The following EHD4 variants were observed in gnomAD, a reference collection of about 807,000 sequenced individuals.
The protein encoded by EHD4 is EH domain-containing protein 4.
EHD4 carries 37 observed loss-of-function variants against 51.0 expected under a neutral mutation model. The ratio of observed to expected loss-of-function variants is 0.73; its 90% CI spans 0.56 to 0.95. EHD4 has a LOEUF of 0.95. Ranked by LOEUF, EHD4 falls within the 40% of genes least tolerant of loss-of-function variation. The probability of loss-of-function intolerance (pLI) is 0.00; values close to 1 mark genes in which losing one functional copy is unlikely to be tolerated. For missense variants in EHD4, 632 were observed against 733.1 expected (o/e 0.86, Z 1.59); for synonymous variants, 297 against 317.3 (o/e 0.94, Z 0.68).
At chr15:41,954,534 G>A (rs551980544) in intron 1 of EHD4, among the ~76,000 whole-genome samples, 1 of 152,300 alleles carries the variant, frequency 6.6e-6, no homozygotes, top group African/African-American at 2.4e-5. Flanking sequence ...GAGAGAAAGT[G>A]CTGAATTCTA....
intron 2 of EHD4, among the ~76,000 whole-genome samples, chr15:41,949,045 T>C (rs867413657): frequency 5.8e-5 from 6 of 102,618 alleles, no homozygotes; most frequent in African/African-American, 2.1e-4. Context: ...TATATATATA[T>C]ATATATACAC....
intron 3 of EHD4, among the ~76,000 whole-genome samples, chr15:41,924,670 A>C (rs760881488): frequency 5.9e-5 from 9 of 152,344 alleles, no homozygotes; most frequent in Non-Finnish European, 1.2e-4. Context: ...TGGAACAGAC[A>C]AACAGGGAGC....
rs575115017 is a variant in EHD4, at chr15:41,900,306, C to T, written c.*339G>A. The stretch of plus-strand genomic sequence containing the variant: ...TGGAGACCCAGCTGCTCTGGGTGAG[C>T]CTTAGCTCACTTCCTGTGGTTCCTG... On this transcript the variant is annotated 3_prime_UTR_variant, in exon 6 of 6. Transcript: ENST00000220325. The surrounding 1 kb of genome is among the most constrained non-coding windows in gnomAD (Gnocchi z 4.8). 6.6e-6 allele frequency: 2 copies of T among 305,086 alleles called. No homozygotes were observed. Among genetic ancestry groups the T allele is most frequent in the African/African-American group, 4.3e-5 (2 of 46,590 alleles). The allele number at this position is 305,086 out of a possible 1,614,324, so 18.9% of individuals were successfully genotyped here. A position where few individuals can be genotyped will look rare whatever the true frequency, so the allele number is the denominator to read the frequency against.
chr15:41,930,722 C>T (rs538159736), intron 3 of EHD4, among the ~76,000 whole-genome samples: 1 of 152,148 alleles, frequency 6.6e-6, no homozygotes, highest in African/African-American at 2.4e-5. Context: ...CTAACCAGCT[C>T]CTCAAGCCAA....
intron 2 of EHD4, among the ~76,000 whole-genome samples, chr15:41,943,717 T>C (rs1173792638): frequency 6.6e-6 from 1 of 152,248 alleles, no homozygotes; most frequent in Non-Finnish European, 1.5e-5. Context: ...CAGGATGCAC[T>C]GGCCCACTGG....
chr15:41,963,663 C>G (rs1035997748), intron 1 of EHD4, among the ~76,000 whole-genome samples: 1 of 149,196 alleles, frequency 6.7e-6, no homozygotes, highest in Non-Finnish European at 1.5e-5. Context: ...CAAGGATTTT[C>G]TAACCAAAAA....
At chr15:41,931,680 CT>C (rs1175401028) in intron 3 of EHD4, among the ~76,000 whole-genome samples, 372 of 142,882 alleles carry the variant, frequency 2.6e-3, no homozygotes, top group Middle Eastern at 3.7e-3. Context: ...TCAGCAATTT[CT>C]TTTTTTTTTT....
intron 3 of EHD4, among the ~76,000 whole-genome samples, chr15:41,931,659 T>G (rs1016440332): frequency 6.6e-6 from 1 of 152,158 alleles, no homozygotes; most frequent in Admixed American, 6.5e-5. Context: ...GTAAGAACAC[T>G]TAAAATCTAC....
intron 2 of EHD4, among the ~76,000 whole-genome samples, chr15:41,949,738 A>T (rs1044106251): frequency 1.3e-5 from 2 of 152,180 alleles, no homozygotes; most frequent in African/African-American, 4.8e-5. Context: ...ATAATACTAG[A>T]TCCTAGACAA....
At position 41,900,894 on chromosome 15, in the gene EHD4, C is replaced by T. The variant is rs757361549; in HGVS notation, c.1377G>A (p.Ser459=). 1.8e-5 allele frequency: 29 copies of T among 1,614,032 alleles called. No homozygotes were observed. The highest frequency in any genetic ancestry group is 3.3e-5 in the South Asian group (3 of 91,086). The change falls in exon 6 of 6, where the codon TCG becomes TCA. Residue 459 remains serine, a synonymous_variant. Coordinates refer to ENST00000220325, the MANE Select transcript of EHD4 (RefSeq NM_139265.4). The surrounding 1 kb of genome is among the most constrained non-coding windows in gnomAD (Gnocchi z 4.8). ...PVYDELFYTL[S]PINGKISGVN... ...CACCTGATATCTTGCCATTGATGGG[C>T]GACAGAGTGTAGAAGAGCTCGTCGT...
intron 2 of EHD4, among the ~76,000 whole-genome samples, chr15:41,951,958 C>T (rs2067855140): frequency 6.6e-6 from 1 of 152,246 alleles, no homozygotes; most frequent in African/African-American, 2.4e-5. Context: ...TAAGATGGAA[C>T]TCCTCTGGGA....
chr15:41,899,576 G>T lies in EHD4; in HGVS notation c.*1069C>A, dbSNP rs1409671879. The T allele has an allele frequency of 6.6e-6, 1 of 151,770 alleles. No individual in the cohort carries two copies. Among genetic ancestry groups the T allele is most frequent in the Non-Finnish European group, 1.5e-5 (1 of 68,008 alleles). 9.4% of individuals were successfully genotyped at this position (151,770 alleles called of 1,614,324 possible). On this transcript the variant is annotated 3_prime_UTR_variant, in exon 6 of 6. Coordinates refer to ENST00000220325, the MANE Select transcript of EHD4 (RefSeq NM_139265.4). ...TCTACAAAAACAATGTCTAACTCTG[G>T]GTGGACTGATCTCTTCTCAACAGCC...
At chr15:41,931,401 T>C (rs1441554900) in intron 3 of EHD4, among the ~76,000 whole-genome samples, 1 of 152,036 alleles carries the variant, frequency 6.6e-6, no homozygotes, top group Non-Finnish European at 1.5e-5. Context: ...CAGTCCCAGC[T>C]ACTCAGGAGG....
At chr15:41,954,959 G>A (rs1350264119) in intron 1 of EHD4, among the ~76,000 whole-genome samples, 2 of 152,172 alleles carry the variant, frequency 1.3e-5, no homozygotes, top group Non-Finnish European at 2.9e-5. Flanking sequence ...CAACCTTAAC[G>A]GGCTATATTC....
intron 3 of EHD4, among the ~76,000 whole-genome samples, chr15:41,932,740 C>A (rs1019569700): frequency 6.6e-6 from 1 of 152,182 alleles, no homozygotes; most frequent in African/African-American, 2.4e-5. Flanking sequence ...TGTCTGCACT[C>A]TCGTGGCTTT....
At chr15:41,936,038 T>G (rs140217806) in intron 3 of EHD4, among the ~76,000 whole-genome samples, 2 of 152,318 alleles carry the variant, frequency 1.3e-5, no homozygotes, top group African/African-American at 4.8e-5. Context: ...CTAAGAGTAG[T>G]TGGACTTTTT....
chr15:41,940,701 G>C (rs1210931039), intron 3 of EHD4, among the ~76,000 whole-genome samples: 1 of 152,216 alleles, frequency 6.6e-6, no homozygotes, highest in African/African-American at 2.4e-5. Flanking sequence ...TAGTAAGTCA[G>C]ACCAGGATAT....
chr15:41,964,934 G>C (rs1304868061), intron 1 of EHD4, among the ~76,000 whole-genome samples: 1 of 151,900 alleles, frequency 6.6e-6, no homozygotes, highest in Non-Finnish European at 1.5e-5. Flanking sequence ...ACCATGTCCG[G>C]CTAATTTTTG....
At chr15:41,931,983 C>CA (rs1555381567) in intron 3 of EHD4, among the ~76,000 whole-genome samples, 1 of 147,616 alleles carries the variant, frequency 6.8e-6, no homozygotes, top group Non-Finnish European at 1.5e-5. Flanking sequence ...CCAGCAATTT[C>CA]TTTTTTTTTT....
Sources: gnomAD v4.1 joint callset for allele counts (sites outside exome capture counted in the v4.1 genomes callset) on GRCh38, gnomAD v4.1.1 for gene constraint, Gnocchi (gnomAD v3.1) non-coding constraint, MANE v1.5 for transcripts, NCBI Gene and HGNC (gene_info 2026-07-23, HGNC 2026-07-21) for gene names.